Variants in PCDH7 observed in about 807,000 individuals in gnomAD.
PCDH7 encodes protocadherin-7.
Under a neutral mutation model 58.9 loss-of-function variants are expected in PCDH7, and 17 were observed. That is an observed-to-expected ratio of 0.29 (90% confidence interval 0.20 to 0.43). The LOEUF is 0.43. Among genes scored for constraint, PCDH7 ranks in the 20% least tolerant of loss-of-function variants. The pLI is 1.00. For missense variants in PCDH7, 1,274 were observed against 1,441.0 expected, an observed-to-expected ratio of 0.88 and a Z score of 1.88; for synonymous variants, 664 against 616.4, an observed-to-expected ratio of 1.08 and a Z score of -1.14.
chr4:30,939,594 C>T (rs1745782677), intron 2 of PCDH7, among the ~76,000 whole-genome samples: 1 of 152,018 alleles, frequency 6.6e-6, no homozygotes, highest in Non-Finnish European at 1.5e-5. Context: ...CCATAAAATA[C>T]TTGGTAATGT....
At chr4:30,830,750 C>T (rs909621958) in intron 1 of PCDH7, among the ~76,000 whole-genome samples, 39 of 152,060 alleles carry the variant, frequency 2.6e-4, no homozygotes, top group Non-Finnish European at 7.4e-5. Context: ...TTATGCTTTT[C>T]TCAACATGCC....
At chr4:30,917,170 A>G (rs913587394) in intron 1 of PCDH7, among the ~76,000 whole-genome samples, 1 of 152,032 alleles carries the variant, frequency 6.6e-6, no homozygotes, top group Non-Finnish European at 1.5e-5. Flanking sequence ...TTCAAGACTC[A>G]ATTGTCTGCC....
At chr4:30,815,209 C>T (rs1175987825) in intron 1 of PCDH7, among the ~76,000 whole-genome samples, 1 of 151,780 alleles carries the variant, frequency 6.6e-6, no homozygotes, top group Non-Finnish European at 1.5e-5. Flanking sequence ...CATCTACACC[C>T]AGTACTGTTG....
At chr4:30,908,687 C>G (rs1165385511) in intron 1 of PCDH7, among the ~76,000 whole-genome samples, 1 of 152,066 alleles carries the variant, frequency 6.6e-6, no homozygotes, top group East Asian at 1.9e-4. Context: ...GGATTCACAG[C>G]CAAATTCTAC....
intron 1 of PCDH7, among the ~76,000 whole-genome samples, chr4:30,757,811 G>A (rs1341189443): frequency 6.6e-6 from 1 of 152,090 alleles, no homozygotes; most frequent in African/African-American, 2.4e-5. Flanking sequence ...AATACCCAAC[G>A]TTGCATACAT....
intron 1 of PCDH7, among the ~76,000 whole-genome samples, chr4:30,831,094 G>A (rs1169594610): frequency 1.3e-5 from 2 of 152,018 alleles, no homozygotes; most frequent in African/African-American, 4.8e-5. Context: ...TTCATTCTTA[G>A]GCATTTCTTT....
intron 3 of PCDH7, among the ~76,000 whole-genome samples, chr4:31,106,264 T>G (rs1003688840): frequency 1.3e-5 from 2 of 152,146 alleles, no homozygotes; most frequent in Non-Finnish European, 2.9e-5. Flanking sequence ...GAGGCTTTCT[T>G]GAGGTGAAAC....
chr4:31,024,141 A>G (rs1486824006), intron 3 of PCDH7, among the ~76,000 whole-genome samples: 1 of 152,196 alleles, frequency 6.6e-6, no homozygotes, highest in Non-Finnish European at 1.5e-5. Flanking sequence ...ATACTCCAGA[A>G]AAGTGGAGTG....
At chr4:31,109,060 C>A (rs2109309114) in intron 3 of PCDH7, among the ~76,000 whole-genome samples, 2 of 152,280 alleles carry the variant, frequency 1.3e-5, no homozygotes, top group South Asian at 4.2e-4. Context: ...CAGGCTGGCT[C>A]AGGCTTGTTC....
intron 1 of PCDH7, among the ~76,000 whole-genome samples, chr4:30,778,869 T>G (rs1480850198): frequency 6.6e-6 from 1 of 152,002 alleles, no homozygotes; most frequent in Non-Finnish European, 1.5e-5. Context: ...GAATTGAGAG[T>G]GAATACATTT....
chr4:30,814,052 T>C (rs1727350012), intron 1 of PCDH7, among the ~76,000 whole-genome samples: 1 of 152,184 alleles, frequency 6.6e-6, no homozygotes, highest in Admixed American at 6.5e-5. Context: ...TTATTTTTTA[T>C]ATTTTGATAA....
At chr4:30,871,834 C>G (rs1398014591) in intron 1 of PCDH7, among the ~76,000 whole-genome samples, 1 of 152,068 alleles carries the variant, frequency 6.6e-6, no homozygotes, top group Non-Finnish European at 1.5e-5. Flanking sequence ...GTCACCCCAT[C>G]CTTGCTGATG....
chr4:30,754,496 A>G (rs1275696624), intron 1 of PCDH7, among the ~76,000 whole-genome samples: 2 of 152,194 alleles, frequency 1.3e-5, no homozygotes, highest in African/African-American at 4.8e-5. Context: ...CCTAAATTGT[A>G]AGTCCTTAAT....
At chr4:31,114,088 C>T (rs1469435800) in intron 3 of PCDH7, among the ~76,000 whole-genome samples, 1 of 152,026 alleles carries the variant, frequency 6.6e-6, no homozygotes, top group Non-Finnish European at 1.5e-5. Context: ...CCCGCCTTGG[C>T]CTCTCAAATT....
intron 1 of PCDH7, among the ~76,000 whole-genome samples, chr4:30,895,297 A>G (rs550159619): frequency 2.6e-5 from 4 of 152,202 alleles, no homozygotes; most frequent in African/African-American, 7.2e-5. Flanking sequence ...CTATAGGTCT[A>G]TAGCATTCAT....
chr4:30,875,837 T>C (rs1736215807), intron 1 of PCDH7, among the ~76,000 whole-genome samples: 1 of 152,138 alleles, frequency 6.6e-6, no homozygotes, highest in Non-Finnish European at 1.5e-5. Context: ...CAAAGATTTA[T>C]TAAGAAGTCC....
At chr4:30,833,458 A>G (rs907819032) in intron 1 of PCDH7, among the ~76,000 whole-genome samples, 1 of 152,140 alleles carries the variant, frequency 6.6e-6, no homozygotes, top group Non-Finnish European at 1.5e-5. Context: ...GCTTCCACAT[A>G]TAAGAGCCCT....
intron 2 of PCDH7, chr4:30,950,074 G>A (rs548174527): frequency 2.6e-5 from 4 of 152,542 alleles, no homozygotes; most frequent in South Asian, 4.2e-4. Flanking sequence ...ATTGTATAGG[G>A]GCTGCTGATT....
At chr4:30,939,148 C>A (rs1475480371) in intron 2 of PCDH7, among the ~76,000 whole-genome samples, 1 of 152,120 alleles carries the variant, frequency 6.6e-6, no homozygotes, top group Non-Finnish European at 1.5e-5. Flanking sequence ...ACTGCCAATG[C>A]ACAACAACAG....
Sources: allele counts gnomAD v4.1 joint callset (sites outside exome capture counted in the v4.1 genomes callset), GRCh38; gene constraint gnomAD v4.1.1; transcripts MANE v1.5; gene names NCBI Gene and HGNC (gene_info 2026-07-23, HGNC 2026-07-21).